HNF1B: variants seen among roughly 807,000 people sequenced by gnomAD.
The protein encoded by HNF1B is hepatocyte nuclear factor 1-beta.
In HNF1B, 8 loss-of-function variants were observed where a neutral mutation model predicts 61.7. The observed-to-expected ratio is 0.13, with a 90% CI of 0.08 to 0.23. HNF1B has a LOEUF of 0.23. Among genes scored for constraint, HNF1B ranks in the 10% least tolerant of loss-of-function variants. The pLI, the probability that HNF1B is intolerant of heterozygous loss-of-function variation, is 1.00. For missense variants in HNF1B, 562 were observed against 714.5 expected (o/e 0.79, Z 2.43); for synonymous variants, 314 against 287.7 (o/e 1.09, Z -0.93).
At chr17:37,733,376 CTGATTCTCAGA>C (rs2033743767) in intron 3 of HNF1B, among the ~76,000 whole-genome samples, 170 bp downstream of exon 3, 1 of 152,138 alleles carries the variant, frequency 6.6e-6, no homozygotes, top group African/African-American at 2.4e-5. Context: ...TATCCATATG[CTGATTCTCAGA>C]CTTACTGATT....
chr17:37,734,764 G>C (rs1012762357), intron 2 of HNF1B, among the ~76,000 whole-genome samples: 1 of 151,582 alleles, frequency 6.6e-6, no homozygotes, highest in Non-Finnish European at 1.5e-5. Context: ...CTAGCTCTGG[G>C]TCCCTATGTT....
At chr17:37,698,608 C>G (rs1568636377) in intron 8 of HNF1B, among the ~76,000 whole-genome samples, 1 of 152,166 alleles carries the variant, frequency 6.6e-6, no homozygotes, top group Non-Finnish European at 1.5e-5. Flanking sequence ...TTATGGCATT[C>G]TGGGTCCAGG....
At chr17:37,738,545 G>A (rs536055583) in intron 2 of HNF1B, among the ~76,000 whole-genome samples, 2 of 152,292 alleles carry the variant, frequency 1.3e-5, no homozygotes, top group South Asian at 2.1e-4. Flanking sequence ...AGTGAAAACC[G>A]ATACAAATTT....
At chr17:37,697,647 C>T (rs1228793188) in intron 8 of HNF1B, among the ~76,000 whole-genome samples, 1 of 152,152 alleles carries the variant, frequency 6.6e-6, no homozygotes, top group Non-Finnish European at 1.5e-5. Flanking sequence ...GCCTGGCTGC[C>T]CCCCTGATTG....
At chr17:37,731,104 AAC>A (rs2033666333) in intron 4 of HNF1B, 2 of 206,926 alleles carry the variant, frequency 9.7e-6, no homozygotes, top group East Asian at 2.3e-4. Context: ...AGAGGCCACC[AAC>A]AGAGTGGCCG....
At chr17:37,701,256 G>A in intron 6 of HNF1B, 79 bp from the exon 7 acceptor site, 9 of 1,370,874 alleles carry the variant, frequency 6.6e-6, no homozygotes, top group South Asian at 2.5e-5. Flanking sequence ...TTGAGCCCCC[G>A]CTCAATGTCC....
rs2031990879 is a variant in HNF1B at position 37,686,993 on chromosome 17, C to T, written c.*379G>A. The T allele has an allele frequency of 2.1e-6, 1 of 474,356 alleles. No homozygotes were observed. Among genetic ancestry groups the T allele is most frequent in the Non-Finnish European group, 3.9e-6 (1 of 257,618 alleles). 29.4% of individuals were successfully genotyped at this position (474,356 alleles called of 1,614,324 possible). ...GTGTGTTTGGCTCAGTTCAATAGCA[C>T]ATGTCCTTCTCTCCTCATTTCAGTA... On this transcript the variant is annotated 3_prime_UTR_variant, in exon 9 of 9. Transcript: ENST00000617811.
intron 1 of HNF1B, among the ~76,000 whole-genome samples, chr17:37,741,346 A>ACTC (rs956073587): frequency 1.7e-4 from 26 of 152,318 alleles, no homozygotes; most frequent in African/African-American, 6.3e-4. Context: ...TTTGATAGAG[A>ACTC]TGTTTTTGAG....
intron 4 of HNF1B, chr17:37,720,964 T>A (rs2033294144): frequency 1.0e-6 from 1 of 985,156 alleles, no homozygotes; most frequent in African/African-American, 1.7e-5. Flanking sequence ...AATTAAGCAC[T>A]TTTGTGCCCA....
At chr17:37,696,123 A>C (rs1183307846) in intron 8 of HNF1B, among the ~76,000 whole-genome samples, 1 of 152,034 alleles carries the variant, frequency 6.6e-6, no homozygotes, top group Non-Finnish European at 1.5e-5. Context: ...TTCATGCTTG[A>C]GTTAGTTCAC....
chr17:37,743,909 C>T (rs978644435), intron 1 of HNF1B, among the ~76,000 whole-genome samples: 6 of 152,238 alleles, frequency 3.9e-5, no homozygotes, highest in Admixed American at 3.9e-4. Flanking sequence ...CGTGTCCACC[C>T]GGACCCTGCA....
rs182178373 is a variant in HNF1B at position 37,717,520 on chromosome 17, G to A, written c.1046-6857C>T. Among the ~76,000 whole-genome samples the A allele has an allele frequency of 1.9e-3, 283 of 152,348 alleles. 2 individuals are homozygous for A. The highest frequency in any genetic ancestry group is 6.4e-3 in the African/African-American group (266 of 41,578). On this transcript the variant is annotated intron_variant, in intron 4 of 8. Coordinates refer to ENST00000617811, the MANE Select transcript of HNF1B (RefSeq NM_000458.4). Reference sequence around the variant, plus strand: ...TATGTTCATTGTTCATAAATTATGAGTAGACACAGCCATCTTTTCTATGAA... The same window carrying A: ...TATGTTCATTGTTCATAAATTATGAATAGACACAGCCATCTTTTCTATGAA...
chr17:37,740,261 G>A (rs964193989), intron 1 of HNF1B, among the ~76,000 whole-genome samples: 2 of 152,094 alleles, frequency 1.3e-5, no homozygotes, highest in African/African-American at 4.8e-5. Context: ...GAGCCACCGC[G>A]CCTGGCCATT....
Position 37,744,969 on chromosome 17 carries a change from A to G in HNF1B, c.-85T>C. 1 of 1,192,348 alleles carries G rather than the reference A, an allele frequency of 8.4e-7. No individual in the cohort carries two copies. Among genetic ancestry groups the G allele is most frequent in the Non-Finnish European group, 1.2e-6 (1 of 827,968 alleles). 73.9% of individuals were successfully genotyped at this position (1,192,348 alleles called of 1,614,324 possible). ...GAGGGGAGTTTCACAAGCAAACCCC[A>G]AATCCAGGAACCCCTCCACCCTTCA... On this transcript the variant is annotated 5_prime_UTR_variant, in exon 1 of 9. Coordinates refer to ENST00000617811, the MANE Select transcript of HNF1B (RefSeq NM_000458.4).
chr17:37,737,748 T>C (rs562033282), intron 2 of HNF1B, among the ~76,000 whole-genome samples: 131 of 151,596 alleles, frequency 8.6e-4, no homozygotes, highest in African/African-American at 3.1e-3. Context: ...AGCAGGAGAA[T>C]GGCGTGAACC....
Position 37,733,604 on chromosome 17 carries a change from C to T in HNF1B, c.762G>A (p.Lys254=), listed in dbSNP as rs749551622. The T allele has an allele frequency of 1.1e-5, 18 of 1,614,154 alleles. No individual in the cohort carries two copies. The South Asian group carries it at 1.8e-4, about 16-fold the overall frequency. The stretch of plus-strand genomic sequence containing the variant: ...CCTCTCTCTCTTCCTTGCTGGGGTT[C>T]TTTTGCCGATCGTAGGCCTGGTACA... ...QILYQAYDRQ[K]NPSKEEREAL... is the part of the protein sequence containing the mutation. Residue 254 remains lysine (K), a synonymous_variant, in exon 3 of 9, where the codon AAG becomes AAA. Coordinates refer to ENST00000617811, the MANE Select transcript of HNF1B (RefSeq NM_000458.4).
chr17:37,731,944 G>A (rs973678655), intron 3 of HNF1B, 114 bp from the exon 4 acceptor site: 1 of 710,514 alleles, frequency 1.4e-6, no homozygotes, highest in Non-Finnish European at 2.4e-6. Flanking sequence ...AGGGGCCGTG[G>A]GCAGAATGGA....
chr17:37,721,628 G>C (rs956481572), intron 4 of HNF1B, among the ~76,000 whole-genome samples: 4 of 151,924 alleles, frequency 2.6e-5, no homozygotes, highest in Non-Finnish European at 5.9e-5. Flanking sequence ...TCAGCAAGGG[G>C]CCATGAGGAT....
intron 8 of HNF1B, among the ~76,000 whole-genome samples, chr17:37,687,602 A>C (rs1448436700): frequency 2.6e-5 from 4 of 152,140 alleles, no homozygotes; most frequent in African/African-American, 7.2e-5. Flanking sequence ...TTTCCTGGCC[A>C]CTTCAGAAGA....
Sources: allele counts gnomAD v4.1 joint callset (sites outside exome capture counted in the v4.1 genomes callset), GRCh38; gene constraint gnomAD v4.1.1; transcripts MANE v1.5; gene names NCBI Gene and HGNC (gene_info 2026-07-23, HGNC 2026-07-21).